The following CCDC192 variants were observed in gnomAD, a reference collection of about 807,000 sequenced individuals.
CCDC192 encodes the protein coiled-coil domain-containing protein 192.
intron 3 of CCDC192, among the ~76,000 whole-genome samples, chr5:127,781,043 C>T (rs190883745): frequency 2.0e-5 from 3 of 152,284 alleles, no homozygotes; most frequent in Admixed American, 6.5e-5. Context: ...CGTTCTCCTA[C>T]ATGTGGCTAG....
intron 3 of CCDC192, among the ~76,000 whole-genome samples, chr5:127,756,283 G>A (rs1754588933): frequency 6.6e-6 from 1 of 152,192 alleles, no homozygotes; most frequent in Non-Finnish European, 1.5e-5. Flanking sequence ...CGGAGAAAGA[G>A]TAAATCACAG....
chr5:127,723,346 T>C lies in CCDC192; in HGVS notation c.114+15586T>C, dbSNP rs532270054. 3.2e-4 allele frequency among the ~76,000 whole-genome samples: 48 copies of C among 152,348 alleles called. No individual in the cohort carries two copies. In the South Asian group the frequency reaches 8.9e-3, roughly 28 times the overall value. On this transcript the variant is annotated intron_variant, in intron 2 of 6. Coordinates refer to ENST00000514853, the MANE Select transcript of CCDC192 (RefSeq NM_001317938.2). ...TACTAAATTTGTTTGTCAGTTCTAA[T>C]AGCTATTTTTTATGAAGTCTTTAGG...
At chr5:127,785,226 G>C (rs754637230) in intron 3 of CCDC192, 12 of 520,462 alleles carry the variant, frequency 2.3e-5, no homozygotes, top group Non-Finnish European at 4.3e-5. Context: ...CACTGTGACA[G>C]CTGGCATAGA....
intron 2 of CCDC192, among the ~76,000 whole-genome samples, chr5:127,736,686 A>G (rs1753019141): frequency 6.6e-6 from 1 of 151,342 alleles, no homozygotes. Context: ...GAATTTATCC[A>G]TTTCTTCTAG....
At chr5:127,909,730 A>C (rs2127175269) in intron 6 of CCDC192, among the ~76,000 whole-genome samples, 1 of 152,330 alleles carries the variant, frequency 6.6e-6, no homozygotes, top group South Asian at 2.1e-4. Flanking sequence ...TAAAGTGCTA[A>C]GACAATGATG....
chr5:127,846,819 CAAAAAAAAAAA>C (rs551016691), intron 5 of CCDC192, among the ~76,000 whole-genome samples: 1 of 63,678 alleles, frequency 1.6e-5, no homozygotes. Context: ...GTCAATAAAG[CAAAAAAAAAAA>C]AAAAAAAAAA....
intron 6 of CCDC192, among the ~76,000 whole-genome samples, chr5:127,879,620 C>G (rs1299706758): frequency 3.8e-5 from 2 of 52,426 alleles, no homozygotes; most frequent in East Asian, 4.0e-4. Context: ...TTCTGCACAG[C>G]AAAAGAAACT....
chr5:127,773,870 T>C (rs946461727), intron 3 of CCDC192, among the ~76,000 whole-genome samples: 3 of 152,208 alleles, frequency 2.0e-5, no homozygotes, highest in East Asian at 1.9e-4. Context: ...ACATATTACA[T>C]TCTTACCAGC....
chr5:127,797,758 TATATA>T (rs1561494103), intron 4 of CCDC192, among the ~76,000 whole-genome samples: 6 of 28,354 alleles, frequency 2.1e-4, no homozygotes, highest in African/African-American at 3.9e-4. Context: ...TATATATATA[TATATA>T]TATATATATA....
chr5:127,938,901 T>TC (rs1471239870), intron 6 of CCDC192, among the ~76,000 whole-genome samples: 1 of 151,320 alleles, frequency 6.6e-6, no homozygotes, highest in African/African-American at 2.4e-5. Context: ...CCATATGGAC[T>TC]CCCTCTCCTG....
chr5:127,767,628 C>G (rs1353718221), intron 3 of CCDC192, among the ~76,000 whole-genome samples: 2 of 152,076 alleles, frequency 1.3e-5, no homozygotes, highest in African/African-American at 2.4e-5. Flanking sequence ...TTTCATTTCT[C>G]TCTGGTATTC....
At chr5:127,858,846 T>TAAA (rs1484914475) in intron 5 of CCDC192, among the ~76,000 whole-genome samples, 1 of 152,170 alleles carries the variant, frequency 6.6e-6, no homozygotes, top group Non-Finnish European at 1.5e-5. Context: ...AGGAGCCAGC[T>TAAA]AATATTTCAT....
At chr5:127,878,823 T>A (rs1293917848) in intron 6 of CCDC192, among the ~76,000 whole-genome samples, 1 of 149,452 alleles carries the variant, frequency 6.7e-6, no homozygotes, top group East Asian at 1.9e-4. Flanking sequence ...TGATATTGAT[T>A]CTTCCTACCC....
intron 6 of CCDC192, among the ~76,000 whole-genome samples, chr5:127,938,912 G>T (rs748797225): frequency 4.6e-5 from 7 of 151,276 alleles, no homozygotes; most frequent in Non-Finnish European, 1.0e-4. Context: ...CCCTCTCCTG[G>T]GCTGGAAAGC....
upstream of CCDC192, chr5:127,703,370 G>T: frequency 2.5e-6 from 1 of 398,774 alleles, no homozygotes; most frequent in South Asian, 1.3e-4. Flanking sequence ...CAATAGCAGG[G>T]ATTCTAAAAC....
At chr5:127,736,607 G>C (rs1395464659) in intron 2 of CCDC192, among the ~76,000 whole-genome samples, 1 of 151,820 alleles carries the variant, frequency 6.6e-6, no homozygotes, top group African/African-American at 2.4e-5. Flanking sequence ...CAATTTCATA[G>C]CCTGTTATTG....
intron 2 of CCDC192, among the ~76,000 whole-genome samples, chr5:127,719,297 C>T (rs1049259057): frequency 4.6e-5 from 7 of 151,598 alleles, no homozygotes; most frequent in African/African-American, 9.7e-5. Flanking sequence ...TCTATTCATC[C>T]GTTGATGGAC....
intron 2 of CCDC192, among the ~76,000 whole-genome samples, chr5:127,710,959 A>G (rs538444867): frequency 1.3e-5 from 2 of 152,150 alleles, no homozygotes; most frequent in African/African-American, 2.4e-5. Flanking sequence ...GGAGAATTAG[A>G]ATGTTATTTA....
intron 5 of CCDC192, among the ~76,000 whole-genome samples, chr5:127,856,557 C>T (rs915551420): frequency 5.3e-5 from 8 of 152,228 alleles, no homozygotes; most frequent in African/African-American, 1.9e-4. Flanking sequence ...GTGCAACAGG[C>T]CTAGCTTTCA....
Sources: allele counts gnomAD v4.1 joint callset (sites outside exome capture counted in the v4.1 genomes callset), GRCh38; gene constraint gnomAD v4.1.1; transcripts MANE v1.5; gene names NCBI Gene and HGNC (gene_info 2026-07-23, HGNC 2026-07-21).